Variants in CTNNA3 observed in about 807,000 individuals in gnomAD.
The protein encoded by CTNNA3 is catenin alpha-3.
In CTNNA3, 76 loss-of-function variants were observed where a neutral mutation model predicts 95.7. The ratio of observed to expected loss-of-function variants is 0.79; its 90% confidence interval spans 0.66 to 0.96. The LOEUF (loss-of-function observed/expected upper bound fraction) is 0.96. CTNNA3 is among the 40% of genes least tolerant of loss of function. The probability of loss-of-function intolerance (pLI) is 0.00; values close to 1 mark genes in which losing one functional copy is unlikely to be tolerated. For missense variants in CTNNA3, 1,191 were observed against 1,089.8 expected, an observed-to-expected ratio of 1.09 and a Z score of -1.31; for synonymous variants, 431 against 374.4, an observed-to-expected ratio of 1.15 and a Z score of -1.74.
Position 67,649,533 on chromosome 10 carries a change from T to C in CTNNA3, c.-5-2015A>G, listed in dbSNP as rs75419543. 1.9e-3 allele frequency among the ~76,000 whole-genome samples: 292 copies of C among 152,342 alleles called. 4 individuals carry two copies. The East Asian group carries it at 0.033, about 17-fold the overall frequency. On this transcript the variant is annotated intron_variant, in intron 1 of 17. Coordinates refer to ENST00000433211, the MANE Select transcript of CTNNA3 (RefSeq NM_013266.4). ...GTAAAAGTTTTTCAAAAGTTCATTT[T>C]TCCATGGTAAAAATTACTTAAAAAA...
At chr10:66,630,629 T>C (rs1227476101) in intron 9 of CTNNA3, among the ~76,000 whole-genome samples, 1 of 152,146 alleles carries the variant, frequency 6.6e-6, no homozygotes, top group Non-Finnish European at 1.5e-5. Context: ...TTTCAGAATG[T>C]AATATATGCT....
intron 2 of CTNNA3, among the ~76,000 whole-genome samples, chr10:67,614,761 C>T (rs1046551715): frequency 1.3e-5 from 2 of 152,054 alleles, no homozygotes; most frequent in African/African-American, 2.4e-5. Context: ...GGTTGGGGAC[C>T]CCTGGGTTAA....
intron 1 of CTNNA3, among the ~76,000 whole-genome samples, chr10:67,687,918 T>A (rs904697440): frequency 3.9e-5 from 6 of 152,162 alleles, no homozygotes; most frequent in African/African-American, 1.4e-4. Flanking sequence ...GAGGTCCCAG[T>A]GGGGATCCAT....
chr10:66,596,181 C>T (rs1411584114), intron 10 of CTNNA3, among the ~76,000 whole-genome samples: 1 of 151,960 alleles, frequency 6.6e-6, no homozygotes, highest in Non-Finnish European at 1.5e-5. Context: ...GGGGCCGTGG[C>T]AGCCTGTATG....
intron 3 of CTNNA3, among the ~76,000 whole-genome samples, chr10:67,573,841 AAAATAAG>A (rs1350792649): frequency 2.6e-5 from 4 of 152,184 alleles, no homozygotes; most frequent in Non-Finnish European, 5.9e-5. Flanking sequence ...AATCTCATTA[AAAATAAG>A]TTCTGATTAC....
At chr10:67,154,569 C>T (rs575558514) in intron 7 of CTNNA3, among the ~76,000 whole-genome samples, 78 of 152,234 alleles carry the variant, frequency 5.1e-4, no homozygotes, top group African/African-American at 1.7e-3. Context: ...TAGAATAAAA[C>T]GCATGAATTT....
At chr10:67,648,218 T>C (rs549835126) in intron 1 of CTNNA3, among the ~76,000 whole-genome samples, 1 of 152,326 alleles carries the variant, frequency 6.6e-6, no homozygotes, top group Non-Finnish European at 1.5e-5. Context: ...AGTGAGATTT[T>C]TGCCTAACAA....
intron 9 of CTNNA3, among the ~76,000 whole-genome samples, chr10:66,638,062 G>A (rs1264352918): frequency 1.3e-5 from 2 of 152,140 alleles, no homozygotes; most frequent in Non-Finnish European, 2.9e-5. Context: ...TCCACCACTG[G>A]AAGAACAAGA....
intron 12 of CTNNA3, among the ~76,000 whole-genome samples, chr10:66,309,906 AAAATAAAT>A (rs140451350): frequency 0.084 from 11,403 of 135,722 alleles, 538 homozygotes; most frequent in Non-Finnish European, 0.1. Flanking sequence ...AAAGATACAA[AAAATAAAT>A]AAATAAATAA....
At chr10:66,133,712 A>G (rs1192488616) in intron 13 of CTNNA3, among the ~76,000 whole-genome samples, 1 of 152,186 alleles carries the variant, frequency 6.6e-6, no homozygotes, top group Non-Finnish European at 1.5e-5. Flanking sequence ...ACAATAAAAG[A>G]AAGTCTAGAA....
chr10:66,552,834 A>G (rs145232917), intron 10 of CTNNA3, among the ~76,000 whole-genome samples: 1 of 152,050 alleles, frequency 6.6e-6, no homozygotes, highest in East Asian at 1.9e-4. Flanking sequence ...TCTGATATTA[A>G]TATAGCTTCT....
intron 7 of CTNNA3, among the ~76,000 whole-genome samples, chr10:67,067,009 T>G (rs1856134056): frequency 6.6e-6 from 1 of 152,296 alleles, no homozygotes; most frequent in Non-Finnish European, 1.5e-5. Context: ...TATAGGCAAT[T>G]ATGTGTCAAT....
chr10:66,826,686 T>C (rs895628881), intron 7 of CTNNA3, among the ~76,000 whole-genome samples: 4 of 152,182 alleles, frequency 2.6e-5, no homozygotes, highest in African/African-American at 9.7e-5. Flanking sequence ...GAGATATATA[T>C]TTTAGCTCAT....
At chr10:66,659,032 C>T (rs190111628) in intron 9 of CTNNA3, among the ~76,000 whole-genome samples, 5 of 152,122 alleles carry the variant, frequency 3.3e-5, no homozygotes, top group Admixed American at 1.3e-4. Flanking sequence ...TTCACTCATT[C>T]AACATGTATT....
chr10:66,597,110 G>C lies in CTNNA3; in HGVS notation c.1374+24582C>G, dbSNP rs564313185. Among the ~76,000 whole-genome samples the C allele has an allele frequency of 7.7e-4, 117 of 151,958 alleles. 1 individual carries two copies. Among genetic ancestry groups the C allele is most frequent in the African/African-American group, 2.7e-3 (112 of 41,472 alleles). On this transcript the variant is annotated intron_variant, in intron 10 of 17. Coordinates refer to ENST00000433211, the MANE Select transcript of CTNNA3 (RefSeq NM_013266.4). ...AAAAGAACCAGTGAATTCAAAGACA[G>C]ACCATTTAAAATTCTCCAGTCACAG...
chr10:66,425,233 T>C (rs1466722158), intron 11 of CTNNA3, among the ~76,000 whole-genome samples: 1 of 151,948 alleles, frequency 6.6e-6, no homozygotes, highest in Non-Finnish European at 1.5e-5. Context: ...TTAAAAGATA[T>C]TTTCCTATAA....
intron 3 of CTNNA3, among the ~76,000 whole-genome samples, chr10:67,575,640 G>A (rs1842117379): frequency 6.6e-6 from 1 of 152,080 alleles, no homozygotes; most frequent in South Asian, 2.1e-4. Context: ...TATCATACTT[G>A]CCTACTCCAA....
chr10:67,325,727 T>C (rs1170556604), intron 5 of CTNNA3, among the ~76,000 whole-genome samples: 2 of 152,142 alleles, frequency 1.3e-5, no homozygotes, highest in East Asian at 3.8e-4. Flanking sequence ...GGTGGAGAGT[T>C]CTGTATATAT....
Position 67,246,452 on chromosome 10 carries a change from C to G in CTNNA3, c.580-26582G>C, listed in dbSNP as rs35129283. 0.016 allele frequency among the ~76,000 whole-genome samples: 2,365 copies of G among 152,256 alleles called. 193 individuals carry two copies. In the East Asian group the frequency reaches 0.26, roughly 17 times the overall value. On this transcript the variant is annotated intron_variant, in intron 5 of 17. Transcript: ENST00000433211. ...AACCCCAGAAGGTTGGTGTTTGCCT[C>G]TAATGCAGAAATAAACCATTCAAAA... is the stretch of plus-strand genomic sequence containing the variant.
Sources: allele counts gnomAD v4.1 joint callset (sites outside exome capture counted in the v4.1 genomes callset), GRCh38; gene constraint gnomAD v4.1.1; transcripts MANE v1.5; gene names NCBI Gene and HGNC (gene_info 2026-07-23, HGNC 2026-07-21).